SYT1: variants seen among roughly 807,000 people sequenced by gnomAD.
SYT1 encodes synaptotagmin 1, also known as synaptotagmin-1.
In SYT1, 8 loss-of-function variants were observed where a neutral mutation model predicts 44.8. The observed-to-expected ratio is 0.18, with a 90% confidence interval of 0.10 to 0.32. SYT1 has a LOEUF of 0.32. Among genes scored for constraint, SYT1 ranks in the 10% least tolerant of loss-of-function variants. SYT1 has a pLI of 1.00. For synonymous variants in SYT1, 154 were observed against 188.8 expected (o/e 0.82, Z 1.51); for missense variants, 286 against 509.3 (o/e 0.56, Z 4.22).
At chr12:79,218,737 T>C (rs1874969450) in intron 4 of SYT1, among the ~76,000 whole-genome samples, 1 of 152,154 alleles carries the variant, frequency 6.6e-6, no homozygotes, top group Admixed American at 6.5e-5. Flanking sequence ...ATCTCTCAAG[T>C]GGATGTACCA....
chr12:78,997,616 A>G (rs1297111755), intron 2 of SYT1, among the ~76,000 whole-genome samples: 5 of 151,218 alleles, frequency 3.3e-5, no homozygotes, highest in Admixed American at 3.3e-4. Context: ...GAAGCCATCT[A>G]TTACCCAAAT....
upstream of SYT1, chr12:78,864,354 T>TAAAA (rs5799404): frequency 7.9e-6 from 1 of 126,790 alleles, no homozygotes; most frequent in African/African-American, 3.0e-5. Flanking sequence ...TGATTGAGAG[T>TAAAA]AAAAAAAAAA....
At chr12:79,448,810 T>C in intron 10 of SYT1, 108 bp from the exon 11 acceptor site, 1 of 948,390 alleles carries the variant, frequency 1.1e-6, no homozygotes, top group Non-Finnish European at 1.6e-6. Flanking sequence ...TCCTAGTGCT[T>C]GGAGATTGAT....
intron 1 of SYT1, among the ~76,000 whole-genome samples, chr12:78,881,263 C>A (rs1874438502): frequency 6.6e-6 from 1 of 151,590 alleles, no homozygotes; most frequent in African/African-American, 2.4e-5. Context: ...AATTTTATAT[C>A]GCTCCCTTCA....
At position 79,050,481 on chromosome 12, in the gene SYT1, T is replaced by C. The variant is rs540545823; in HGVS notation, c.-18+3119T>C. Among the ~76,000 whole-genome samples, 21 of 152,196 alleles carry C rather than the reference T, an allele frequency of 1.4e-4. No individual in the cohort carries two copies. In the South Asian group the frequency reaches 3.7e-3, roughly 27 times the overall value. ...CTCAGTAATACTTTCAAGAACTTCA[T>C]AGTCTCCTCCTTGTAAACTCTGATC... On this transcript the variant is annotated intron_variant, in intron 3 of 10. Coordinates refer to ENST00000261205, the MANE Select transcript of SYT1 (RefSeq NM_005639.3).
intron 3 of SYT1, among the ~76,000 whole-genome samples, chr12:79,170,487 G>T (rs1192442330): frequency 1.3e-5 from 2 of 151,940 alleles, no homozygotes; most frequent in East Asian, 3.9e-4. Context: ...TTGGCCACAT[G>T]TATGTCTTCT....
chr12:78,944,255 C>T (rs1221248971), intron 1 of SYT1, among the ~76,000 whole-genome samples: 1 of 150,264 alleles, frequency 6.7e-6, no homozygotes, highest in Admixed American at 6.8e-5. Flanking sequence ...AATCCCCCTT[C>T]TTGCCATGTG....
intron 3 of SYT1, among the ~76,000 whole-genome samples, chr12:79,186,264 C>T (rs572728215): frequency 2.3e-4 from 35 of 152,020 alleles, no homozygotes; most frequent in African/African-American, 7.7e-4. Context: ...TTGCATGATA[C>T]CTATGTTAGT....
intron 2 of SYT1, among the ~76,000 whole-genome samples, chr12:79,030,634 T>C (rs1872773248): frequency 6.6e-6 from 1 of 151,006 alleles, no homozygotes; most frequent in African/African-American, 2.4e-5. Flanking sequence ...AGAAATTTCT[T>C]GAGATTTCTT....
chr12:78,872,898 T>C (rs1045991872), intron 1 of SYT1, among the ~76,000 whole-genome samples: 2 of 151,772 alleles, frequency 1.3e-5, no homozygotes, highest in African/African-American at 4.8e-5. Context: ...GTTTTTAAAA[T>C]TTTGCATGTA....
chr12:79,252,986 G>A (rs1877304983), intron 4 of SYT1, among the ~76,000 whole-genome samples: 1 of 152,140 alleles, frequency 6.6e-6, no homozygotes. Flanking sequence ...AAGTGGAATG[G>A]TGGGGAGCAA....
At chr12:78,909,704 A>G (rs1007628984) in intron 1 of SYT1, among the ~76,000 whole-genome samples, 2 of 151,976 alleles carry the variant, frequency 1.3e-5, no homozygotes, top group Non-Finnish European at 1.5e-5. Flanking sequence ...AATCAATATA[A>G]TATCTACTTG....
intron 1 of SYT1, 24 bp from the exon 2 acceptor site, chr12:78,977,775 T>G (rs1197681379): frequency 6.6e-6 from 1 of 152,112 alleles, no homozygotes; most frequent in Non-Finnish European, 1.5e-5. Context: ...TTTTCACAGA[T>G]TCTATTATTC....
intron 1 of SYT1, among the ~76,000 whole-genome samples, chr12:78,867,058 G>GA (rs35154964): frequency 0.032 from 4,571 of 143,144 alleles, 83 homozygotes; most frequent in Middle Eastern, 0.066. Context: ...ACATTTAAAT[G>GA]AAAAAAAAAA....
At chr12:79,043,625 C>T (rs1011466640) in intron 2 of SYT1, among the ~76,000 whole-genome samples, 8 of 151,444 alleles carry the variant, frequency 5.3e-5, no homozygotes, top group Middle Eastern at 3.4e-3. Flanking sequence ...AGTCCATTTA[C>T]ATTTAAAGTT....
At chr12:79,183,619 A>T (rs1013115882) in intron 3 of SYT1, among the ~76,000 whole-genome samples, 1 of 152,006 alleles carries the variant, frequency 6.6e-6, no homozygotes, top group Non-Finnish European at 1.5e-5. Flanking sequence ...TCTTAGAAGA[A>T]CATACACCAT....
At chr12:79,156,358 G>C (rs529018770) in intron 3 of SYT1, among the ~76,000 whole-genome samples, 1 of 152,106 alleles carries the variant, frequency 6.6e-6, no homozygotes, top group African/African-American at 2.4e-5. Context: ...AACCCTTTAA[G>C]GTTGTTTGCC....
chr12:79,123,916 T>C (rs1399156990), intron 3 of SYT1, among the ~76,000 whole-genome samples: 1 of 152,232 alleles, frequency 6.6e-6, no homozygotes, highest in South Asian at 2.1e-4. Flanking sequence ...TTAAAGACTC[T>C]TTAATGCCAA....
intron 8 of SYT1, among the ~76,000 whole-genome samples, chr12:79,322,118 C>T (rs1404788904): frequency 2.6e-5 from 4 of 152,162 alleles, no homozygotes; most frequent in African/African-American, 9.7e-5. Context: ...CAGCATGCCC[C>T]ATTTCCAGTT....
Sources: gnomAD v4.1 joint callset for allele counts (sites outside exome capture counted in the v4.1 genomes callset) on GRCh38, gnomAD v4.1.1 for gene constraint, MANE v1.5 for transcripts, NCBI Gene and HGNC (gene_info 2026-07-23, HGNC 2026-07-21) for gene names.